The following ITPK1 variants were observed in gnomAD, a reference collection of about 807,000 sequenced individuals.
ITPK1 encodes inositol-tetrakisphosphate 1-kinase.
In ITPK1, 21 loss-of-function variants were observed where a neutral mutation model predicts 45.3. The observed-to-expected ratio is 0.46, with a 90% CI of 0.33 to 0.67. The LOEUF (loss-of-function observed/expected upper bound fraction) is 0.67. ITPK1 is among the 30% of genes least tolerant of loss of function. The pLI is 0.02. For missense variants in ITPK1, 474 were observed against 573.5 expected (o/e 0.83, Z 1.77); for synonymous variants, 258 against 253.6 (o/e 1.02, Z -0.16).
intron 2 of ITPK1, among the ~76,000 whole-genome samples, chr14:93,093,813 C>T (rs1891959205): frequency 6.6e-6 from 1 of 152,208 alleles, no homozygotes; most frequent in South Asian, 2.1e-4. Context: ...ATCGCAGCAG[C>T]CTCCCCCTCC....
chr14:92,955,615 GCCT>G lies in ITPK1; in HGVS notation c.670+2583_670+2585del, dbSNP rs200631889. Reference sequence around the variant, plus strand: ...CAACCTGACTTCAGCTCCAGCCAAAGCCTCTGCATGGATGCCACTGGCTATAAG... The same window carrying G: ...CAACCTGACTTCAGCTCCAGCCAAAGCTGCATGGATGCCACTGGCTATAAG... On this transcript the variant is annotated intron_variant, in intron 8 of 10. Coordinates refer to ENST00000267615, the MANE Select transcript of ITPK1 (RefSeq NM_014216.6). Among the ~76,000 whole-genome samples, 1,348 of 152,316 alleles carry G rather than the reference GCCT, an allele frequency of 8.9e-3. 12 individuals are homozygous for G. Among genetic ancestry groups the G allele is most frequent in the African/African-American group, 0.03 (1,265 of 41,560 alleles).
intron 5 of ITPK1, among the ~76,000 whole-genome samples, chr14:92,985,139 A>G (rs1886430448): frequency 6.6e-6 from 1 of 152,092 alleles, no homozygotes; most frequent in South Asian, 2.1e-4. Flanking sequence ...GATAAACCTG[A>G]ATTGAGAGAC....
At chr14:93,109,537 G>A (rs1892661551) in intron 2 of ITPK1, among the ~76,000 whole-genome samples, 1 of 152,144 alleles carries the variant, frequency 6.6e-6, no homozygotes, top group South Asian at 2.1e-4. Flanking sequence ...GTGGAGACTT[G>A]GCATTTTCAG....
chr14:93,078,240 G>C (rs1219007575), intron 2 of ITPK1, among the ~76,000 whole-genome samples: 1 of 152,144 alleles, frequency 6.6e-6, no homozygotes. Flanking sequence ...GGAACCTTTG[G>C]GCACCCTTGC....
intron 3 of ITPK1, among the ~76,000 whole-genome samples, chr14:93,053,067 T>A (rs1392157862): frequency 6.6e-6 from 1 of 151,942 alleles, no homozygotes; most frequent in Non-Finnish European, 1.5e-5. Flanking sequence ...ACATGGCACA[T>A]GTATACATAT....
chr14:92,942,725 C>T (rs964299333), intron 10 of ITPK1, among the ~76,000 whole-genome samples: 1 of 152,168 alleles, frequency 6.6e-6, no homozygotes, highest in Non-Finnish European at 1.5e-5. Context: ...AACACAGTTG[C>T]GAACATCAGC....
chr14:92,977,416 G>A (rs1886002267), intron 5 of ITPK1, among the ~76,000 whole-genome samples: 1 of 152,228 alleles, frequency 6.6e-6, no homozygotes, highest in Non-Finnish European at 1.5e-5. Flanking sequence ...TAAGGAAGGT[G>A]CAGCCTTCTC....
chr14:93,078,793 G>A (rs757237877), intron 2 of ITPK1, among the ~76,000 whole-genome samples: 5 of 151,948 alleles, frequency 3.3e-5, no homozygotes, highest in South Asian at 2.1e-4. Context: ...CCCTCCCCCC[G>A]CAGGGACGAG....
rs753307449 is a variant in ITPK1, at chr14:92,962,786, C to T, written c.428G>A (p.Arg143Gln). 15 of 1,613,926 alleles carry T rather than the reference C, an allele frequency of 9.3e-6. No individual in the cohort carries two copies. Among genetic ancestry groups the T allele is most frequent in the Admixed American group, 5.0e-5 (3 of 59,994 alleles). Residue 143 changes from arginine to glutamine, a missense_variant, in exon 6 of 11, where the codon CGG (arginine) becomes CAG (glutamine). Around this residue, in one of 2 missense-constraint regions of ITPK1, gnomAD observed 367 missense variants for 480.6 expected, o/e 0.76. Coordinates refer to ENST00000267615, the MANE Select transcript of ITPK1 (RefSeq NM_014216.6). ...LTSLCGDDTM[R>Q]LLEKNGLTFP... ...AGTCAAGCCGTTCTTCTCCAGCAGC[C>T]GCATGGTGTCATCCCCGCACAGGCT...
chr14:93,077,692 C>T (rs952426785), intron 2 of ITPK1, among the ~76,000 whole-genome samples: 1 of 152,148 alleles, frequency 6.6e-6, no homozygotes, highest in Non-Finnish European at 1.5e-5. Flanking sequence ...GGGCTTTCTC[C>T]TCCCTGGCCC....
intron 3 of ITPK1, among the ~76,000 whole-genome samples, chr14:93,047,464 T>C (rs1889825180): frequency 6.6e-6 from 1 of 152,224 alleles, no homozygotes; most frequent in Non-Finnish European, 1.5e-5. Flanking sequence ...TGATTCAATA[T>C]GACTAGTGTC....
chr14:92,943,501 G>A (rs1173567307), intron 10 of ITPK1, among the ~76,000 whole-genome samples: 1 of 152,234 alleles, frequency 6.6e-6, no homozygotes, highest in African/African-American at 2.4e-5. Flanking sequence ...GGAGGGCAGG[G>A]TAGGTGTCCC....
chr14:93,099,506 G>A (rs966259861), intron 2 of ITPK1, among the ~76,000 whole-genome samples: 2 of 152,136 alleles, frequency 1.3e-5, no homozygotes, highest in Admixed American at 1.3e-4. Context: ...ATTTCCCAAG[G>A]CCCGGAAAAA....
chr14:92,946,321 C>T lies in ITPK1; in HGVS notation c.901+10G>A, dbSNP rs766527996. ...GGCCGGTCAGTGGAGGTGGCCTGGC[C>T]GCCACTCACCTGGGAAGGCATTGAT... On this transcript the variant is annotated intron_variant, in intron 10 of 10. Coordinates refer to ENST00000267615, the MANE Select transcript of ITPK1 (RefSeq NM_014216.6). 12 of 1,612,510 alleles carry T rather than the reference C, an allele frequency of 7.4e-6. No individual in the cohort carries two copies. Among genetic ancestry groups the T allele is most frequent in the Non-Finnish European group, 6.8e-6 (8 of 1,179,940 alleles).
chr14:93,057,433 C>A (rs1183576644), intron 3 of ITPK1, among the ~76,000 whole-genome samples: 1 of 152,258 alleles, frequency 6.6e-6, no homozygotes, highest in South Asian at 2.1e-4. Context: ...CACTTGCTCA[C>A]TCCTACTCAC....
intron 3 of ITPK1, among the ~76,000 whole-genome samples, chr14:93,047,512 CACCCA>C (rs1239614633): frequency 6.6e-6 from 1 of 152,222 alleles, no homozygotes; most frequent in Non-Finnish European, 1.5e-5. Flanking sequence ...AAGACACAGA[CACCCA>C]GGCAGGACGG....
chr14:93,043,806 C>T (rs891772830), intron 3 of ITPK1, among the ~76,000 whole-genome samples: 30 of 152,334 alleles, frequency 2.0e-4, no homozygotes, highest in East Asian at 7.7e-4. Flanking sequence ...CTGCAGGAGG[C>T]CCTTCCCAGA....
chr14:93,040,890 C>T (rs1186746746), intron 3 of ITPK1, among the ~76,000 whole-genome samples: 1 of 152,172 alleles, frequency 6.6e-6, no homozygotes, highest in Non-Finnish European at 1.5e-5. Context: ...ACTACTTCAC[C>T]TCACCAAGGC....
intron 5 of ITPK1, among the ~76,000 whole-genome samples, chr14:92,973,175 C>A (rs549395467): frequency 6.6e-6 from 1 of 152,148 alleles, no homozygotes; most frequent in Non-Finnish European, 1.5e-5. Flanking sequence ...ACCTCTTGTA[C>A]GCTATTAAAT....
Sources: gnomAD v4.1 joint callset for allele counts (sites outside exome capture counted in the v4.1 genomes callset) on GRCh38, gnomAD v4.1.1 for gene constraint, gnomAD v4.1.1 regional missense constraint, MANE v1.5 for transcripts, NCBI Gene and HGNC (gene_info 2026-07-23, HGNC 2026-07-21) for gene names.